INSL6: variants seen among roughly 807,000 people sequenced by gnomAD.
INSL6 encodes insulin-like peptide INSL6.
Under a neutral mutation model 9.4 loss-of-function variants are expected in INSL6, and 16 were observed. The observed-to-expected ratio is 1.70, with a 90% CI of 1.15 to 2.59. The LOEUF (loss-of-function observed/expected upper bound fraction) is 2.59. Among genes scored for constraint, INSL6 ranks in the 30% most tolerant of loss-of-function variants. The pLI is 0.00. For synonymous variants in INSL6, 154 were observed against 96.9 expected (o/e 1.59, Z -3.46); for missense variants, 391 against 257.3 (o/e 1.52, Z -3.56).
At chr9:5,106,382 A>G in the INSL6 span, among the ~76,000 whole-genome samples, 3 of 152,214 alleles carry the variant, frequency 2.0e-5, no homozygotes, top group African/African-American at 7.2e-5. Context: ...GTGATCATTA[A>G]AAAGACAGGA....
At chr9:5,032,015 G>C in the INSL6 span, among the ~76,000 whole-genome samples, 1 of 152,262 alleles carries the variant, frequency 6.6e-6, no homozygotes, top group Non-Finnish European at 1.5e-5. Flanking sequence ...CCTAGTCAAA[G>C]AAAGGGGTGA....
chr9:5,089,702 G>A, the INSL6 span: 3 of 1,475,678 alleles, frequency 2.0e-6, no homozygotes, highest in Non-Finnish European at 1.8e-6. Context: ...GAGATGTGCC[G>A]GTATGACCCT....
At chr9:5,001,605 A>G in the INSL6 span, among the ~76,000 whole-genome samples, 167 of 150,694 alleles carry the variant, frequency 1.1e-3, 1 homozygote, top group South Asian at 2.7e-3. Context: ...TGTTATGTTC[A>G]TGAGAAACAT....
At chr9:5,138,903 CA>C (rs923577462) in intron 2 of INSL6, among the ~76,000 whole-genome samples, 5 of 132,984 alleles carry the variant, frequency 3.8e-5, no homozygotes, top group South Asian at 2.4e-4. Flanking sequence ...TATATAGTCA[CA>C]AAAAAAATAA....
intron 1 of INSL6, among the ~76,000 whole-genome samples, chr9:5,169,634 A>C (rs1360190937): frequency 6.6e-6 from 1 of 152,242 alleles, no homozygotes; most frequent in African/African-American, 2.4e-5. Context: ...CTCATCTCAC[A>C]TGCAAAGACA....
At chr9:5,148,705 A>G (rs1415668629) in intron 2 of INSL6, among the ~76,000 whole-genome samples, 2 of 152,088 alleles carry the variant, frequency 1.3e-5, no homozygotes, top group Non-Finnish European at 2.9e-5. Context: ...GGCACTCCTG[A>G]GCTGCAGACT....
chr9:5,130,702 T>A (rs1824257291), intron 3 of INSL6, among the ~76,000 whole-genome samples: 1 of 147,800 alleles, frequency 6.8e-6, no homozygotes, highest in Non-Finnish European at 1.5e-5. Context: ...ATGAATTTTC[T>A]TTTTTTTATT....
intron 3 of INSL6, among the ~76,000 whole-genome samples, chr9:5,131,227 T>C (rs1824273378): frequency 6.6e-6 from 1 of 152,188 alleles, no homozygotes; most frequent in South Asian, 2.1e-4. Flanking sequence ...CTCTGCTTAA[T>C]AATTTTGTTG....
chr9:5,044,530 T>C, the INSL6 span: 6 of 1,455,508 alleles, frequency 4.1e-6, no homozygotes, highest in Non-Finnish European at 5.7e-6. Flanking sequence ...GGTATGATTA[T>C]ATTATCTTAC....
chr9:5,062,053 AGT>A, the INSL6 span, among the ~76,000 whole-genome samples: 2 of 152,154 alleles, frequency 1.3e-5, no homozygotes. Context: ...ATATAGGCCC[AGT>A]GTGTGGTGCC....
At chr9:5,017,189 T>C in the INSL6 span, among the ~76,000 whole-genome samples, 42 of 152,152 alleles carry the variant, frequency 2.8e-4, no homozygotes, top group Non-Finnish European at 4.7e-4. Context: ...AAATAGGATT[T>C]TGAGAGTGAG....
chr9:5,030,946 T>G, the INSL6 span, among the ~76,000 whole-genome samples: 2 of 152,140 alleles, frequency 1.3e-5, no homozygotes, highest in African/African-American at 4.8e-5. Context: ...CATTCTTATA[T>G]GCAAGCAACC....
chr9:5,078,496 G>C, the INSL6 span: 66 of 1,379,308 alleles, frequency 4.8e-5, no homozygotes, highest in Non-Finnish European at 6.6e-5. Context: ...CTTGGGCAGT[G>C]GTGTAAAGGG....
At chr9:5,110,985 G>GTTCCC in the INSL6 span, 2 of 644,274 alleles carry the variant, frequency 3.1e-6, no homozygotes, top group Non-Finnish European at 2.8e-6. Context: ...TCAGCATGAT[G>GTTCCC]TTCCCGCTGC....
At chr9:5,064,738 G>A in the INSL6 span, 1 of 490,254 alleles carries the variant, frequency 2.0e-6, no homozygotes, top group East Asian at 3.3e-5. Context: ...ATGAGAATTT[G>A]TAATTCATAT....
At chr9:5,057,763 A>G in the INSL6 span, among the ~76,000 whole-genome samples, 1 of 151,704 alleles carries the variant, frequency 6.6e-6, no homozygotes, top group African/African-American at 2.4e-5. Context: ...TTGTATCTTT[A>G]GTAGAGACGG....
intron 1 of INSL6, among the ~76,000 whole-genome samples, chr9:5,181,399 G>A (rs537336563): frequency 3.3e-5 from 5 of 152,088 alleles, no homozygotes; most frequent in Admixed American, 1.3e-4. Flanking sequence ...ACAAATTAGT[G>A]AGAAAAATAA....
the INSL6 span, among the ~76,000 whole-genome samples, chr9:5,021,045 C>G: frequency 6.6e-6 from 1 of 152,124 alleles, no homozygotes; most frequent in Non-Finnish European, 1.5e-5. Context: ...GACGGGCTCT[C>G]TTGTGTCTGG....
the INSL6 span, among the ~76,000 whole-genome samples, chr9:5,040,021 A>G: frequency 6.6e-6 from 1 of 152,228 alleles, no homozygotes; most frequent in Non-Finnish European, 1.5e-5. Context: ...TTGAAACAAT[A>G]CAAAGTTTGA....
Sources: gnomAD v4.1 joint callset for allele counts (sites outside exome capture counted in the v4.1 genomes callset) on GRCh38, gnomAD v4.1.1 for gene constraint, MANE v1.5 for transcripts, NCBI Gene and HGNC (gene_info 2026-07-23, HGNC 2026-07-21) for gene names.